Variants in PARP6 observed in about 807,000 individuals in gnomAD.
PARP6 encodes protein mono-ADP-ribosyltransferase PARP6.
Under a neutral mutation model 92.0 loss-of-function variants are expected in PARP6, and 27 were observed. The observed-to-expected ratio is 0.29, with a 90% CI of 0.22 to 0.40. The LOEUF (loss-of-function observed/expected upper bound fraction) is 0.40, where lower values mean the gene tolerates loss of function less well. Ranked by LOEUF, PARP6 falls within the 10% of genes least tolerant of loss-of-function variation. The pLI, the probability that PARP6 is intolerant of heterozygous loss-of-function variation, is 1.00. For missense variants in PARP6, 501 were observed against 784.5 expected, an observed-to-expected ratio of 0.64 and a Z score of 4.32; for synonymous variants, 272 against 281.2, an observed-to-expected ratio of 0.97 and a Z score of 0.33.
chr15:72,257,427 G>C lies in PARP6; in HGVS notation c.920C>G (p.Thr307Ser). 1 of 1,613,802 alleles carries C rather than the reference G, an allele frequency of 6.2e-7. No homozygotes were observed. The highest frequency in any genetic ancestry group is 8.5e-7 in the Non-Finnish European group (1 of 1,179,732). Residue 307 changes from threonine to serine, a missense_variant, in exon 13 of 24, where the codon ACT becomes AGT. Thr to Ser is a moderately conservative substitution (Grantham distance 58). This residue lies in a region of PARP6 where 191 missense variants were observed against 399.1 expected (regional missense o/e 0.48). Transcript: ENST00000569795. Reference protein sequence around the residue: ...NGSMLKPAVCTRELCVFSFYT... With the variant: ...NGSMLKPAVCSRELCVFSFYT... ...GAAGGAGAAAACGCATAGTTCACGA[G>C]TACAGACAGCTGGCTGAAAGGATAT...
intron 2 of PARP6, among the ~76,000 whole-genome samples, chr15:72,270,286 A>G (rs2087220843): frequency 2.0e-5 from 3 of 152,212 alleles, no homozygotes; most frequent in Admixed American, 2.0e-4. Context: ...AGGAGGGAGG[A>G]TAACAGATGA....
chr15:72,264,114 G>A (rs776452807), intron 8 of PARP6, among the ~76,000 whole-genome samples: 8 of 151,968 alleles, frequency 5.3e-5, no homozygotes, highest in Admixed American at 3.3e-4. Context: ...ATATTCACCT[G>A]TATTAGAATA....
At position 72,260,398 on chromosome 15, in the gene PARP6, C is replaced by T. The variant is rs928323223; in HGVS notation, c.756+80G>A. 6.1e-6 allele frequency: 7 copies of T among 1,147,194 alleles called. No homozygotes were observed. The Admixed American group carries it at 1.2e-4, about 19-fold the overall frequency. 71.1% of individuals were successfully genotyped at this position (1,147,194 alleles called of 1,614,324 possible). On this transcript the variant is annotated intron_variant, in intron 10 of 23. Coordinates refer to ENST00000569795, the MANE Select transcript of PARP6 (RefSeq NM_001323532.2). ...GATGCCTAGACAACCATATCCCCACCCCATTTTGAGAAACTACACTCCCAC... is the reference window on the plus strand; with the variant it reads ...GATGCCTAGACAACCATATCCCCACTCCATTTTGAGAAACTACACTCCCAC...
chr15:72,245,998 G>A (rs1300253747), intron 20 of PARP6, among the ~76,000 whole-genome samples: 2 of 152,116 alleles, frequency 1.3e-5, no homozygotes, highest in Non-Finnish European at 2.9e-5. Context: ...AAAAAGTGAA[G>A]AATCCAGACA....
intron 20 of PARP6, among the ~76,000 whole-genome samples, chr15:72,247,337 G>C (rs890453606): frequency 1.3e-5 from 2 of 151,696 alleles, no homozygotes; most frequent in African/African-American, 4.8e-5. Flanking sequence ...GCCAGACCTG[G>C]TTATTTTTAT....
At chr15:72,260,726 G>T (rs1051210632) in intron 9 of PARP6, 38 bp from the exon 10 acceptor site, 2 of 1,479,302 alleles carry the variant, frequency 1.4e-6, no homozygotes, top group Non-Finnish European at 9.5e-7. Flanking sequence ...TAAAACTGGG[G>T]ATTTCATAGG....
chr15:72,266,002 A>G lies in PARP6; in HGVS notation c.82-11T>C. Reference sequence around the variant, plus strand: ...AGCTGCACAGCTCCCCTGAGATAGCAGCAAAAATGGTGGTGGAGAGAGGTG... The same window carrying G: ...AGCTGCACAGCTCCCCTGAGATAGCGGCAAAAATGGTGGTGGAGAGAGGTG... On this transcript the variant is annotated splice_polypyrimidine_tract_variant and intron_variant, in intron 4 of 23. Coordinates refer to ENST00000569795, the MANE Select transcript of PARP6 (RefSeq NM_001323532.2). 1.9e-6 allele frequency: 3 copies of G among 1,588,720 alleles called. No homozygotes were observed. Among genetic ancestry groups the G allele is most frequent in the Non-Finnish European group, 2.6e-6 (3 of 1,156,806 alleles).
At chr15:72,256,718 A>G in intron 13 of PARP6, 128 bp from the exon 14 acceptor site, 1 of 726,018 alleles carries the variant, frequency 1.4e-6, no homozygotes, top group Non-Finnish European at 2.0e-6. Flanking sequence ...CAAAATAGAA[A>G]ATACAAGCTC....
intron 14 of PARP6, among the ~76,000 whole-genome samples, chr15:72,256,000 T>C (rs990699099): frequency 1.3e-5 from 2 of 151,754 alleles, no homozygotes; most frequent in African/African-American, 2.4e-5. Context: ...GGTTTCACCA[T>C]GTTAGCCAGG....
intron 9 of PARP6, among the ~76,000 whole-genome samples, chr15:72,261,104 G>A (rs1204377573): frequency 1.3e-5 from 2 of 152,230 alleles, no homozygotes; most frequent in Non-Finnish European, 2.9e-5. Context: ...TGTCAACAAT[G>A]ATTCCTGGGA....
At chr15:72,246,727 G>A (rs2083652714) in intron 20 of PARP6, among the ~76,000 whole-genome samples, 1 of 151,652 alleles carries the variant, frequency 6.6e-6, no homozygotes, top group African/African-American at 2.4e-5. Flanking sequence ...TGTCTTCTGG[G>A]ACTTCCCTCT....
At chr15:72,270,268 A>AT (rs79018584) in intron 2 of PARP6, among the ~76,000 whole-genome samples, 33,059 of 152,116 alleles carry the variant, frequency 0.22, 3,837 homozygotes, top group East Asian at 0.41. Context: ...TGGCACACAC[A>AT]TAAAAAAAGG....
At chr15:72,263,886 G>C (rs960593840) in intron 8 of PARP6, among the ~76,000 whole-genome samples, 4 of 152,140 alleles carry the variant, frequency 2.6e-5, no homozygotes, top group Middle Eastern at 3.4e-3. Context: ...AGCCGGGCAT[G>C]GTGGTGGGTG....
In PARP6 at chr15:72,265,402, G is replaced by T; in HGVS notation, c.237+11C>A. On this transcript the variant is annotated intron_variant, in intron 6 of 23. Coordinates refer to ENST00000569795, the MANE Select transcript of PARP6 (RefSeq NM_001323532.2). Reference sequence around the variant, plus strand: ...CTAGACATGTTGTTGGCAGGTACTAGCCCCACTTACATCGAGGAAGCTGAT... The same window carrying T: ...CTAGACATGTTGTTGGCAGGTACTATCCCCACTTACATCGAGGAAGCTGAT... 6.2e-7 allele frequency: 1 copy of T among 1,609,680 alleles called. No homozygotes were observed. The highest frequency in any genetic ancestry group is 8.5e-7 in the Non-Finnish European group (1 of 1,175,900).
At position 72,241,935 on chromosome 15, in the gene PARP6, C is replaced by G. The variant is rs750754082; in HGVS notation, c.1756G>C (p.Val586Leu). 6.2e-7 allele frequency: 1 copy of G among 1,613,920 alleles called. No individual in the cohort carries two copies. The highest frequency in any genetic ancestry group is 1.1e-5 in the South Asian group (1 of 91,084). Residue 586 changes from valine (V) to leucine (L), a missense_variant, in exon 23 of 24, where the codon GTG becomes CTG. By Grantham distance (32) the Val-to-Leu change is conservative. Coordinates refer to ENST00000569795, the MANE Select transcript of PARP6 (RefSeq NM_001323532.2). This position sits in a 1 kb window ranked among gnomAD's most constrained non-coding sequence, Gnocchi z 4.1. ...QKHGNIWVCP[V>L]SDHVCTRFFF... is the part of the protein sequence containing the mutation. Reference sequence around the variant, plus strand: ...AATCTTGTGCAGACATGGTCGGACACAGGGCACACCCAGATGTTCCCATGC... The same window carrying G: ...AATCTTGTGCAGACATGGTCGGACAGAGGGCACACCCAGATGTTCCCATGC...
At position 72,242,804 on chromosome 15, in the gene PARP6, C is replaced by CA; in HGVS notation, c.1562-106dup. ...CTCATCAAAACAGCAGAGAATAAAA[C>CA]AAAGAAGATTATTTTCCCCCACAGA... On this transcript the variant is annotated intron_variant, in intron 20 of 23. Transcript: ENST00000569795. The surrounding 1 kb of genome is among the most constrained non-coding windows in gnomAD (Gnocchi z 4.3). The CA allele has an allele frequency of 4.3e-6, 3 of 696,472 alleles. No homozygotes were observed. Among genetic ancestry groups the CA allele is most frequent in the Non-Finnish European group, 7.5e-6 (3 of 399,808 alleles). 43.1% of individuals were successfully genotyped at this position (696,472 alleles called of 1,614,324 possible). A position where few individuals can be genotyped will look rare whatever the true frequency, so the allele number is the denominator to read the frequency against.
rs1233903569 is a variant in PARP6, at chr15:72,242,825, A to G, written c.1562-126T>C. The G allele has an allele frequency of 3.1e-6, 2 of 649,874 alleles. No homozygotes were observed. Among genetic ancestry groups the G allele is most frequent in the East Asian group, 5.3e-5 (2 of 37,782 alleles). The allele number at this position is 649,874 out of a possible 1,614,324, so 40.3% of individuals were successfully genotyped here. ...AAAACAAAGAAGATTATTTTCCCCC[A>G]CAGAATTTAGTCTGCTGGAAATTAC... is the stretch of plus-strand genomic sequence containing the variant. On this transcript the variant is annotated intron_variant, in intron 20 of 23. Coordinates refer to ENST00000569795, the MANE Select transcript of PARP6 (RefSeq NM_001323532.2). The surrounding 1 kb of genome is among the most constrained non-coding windows in gnomAD (Gnocchi z 4.3).
In PARP6 at chr15:72,241,820, T is replaced by C. The variant is rs1057196555; in HGVS notation, c.1790+81A>G. The C allele has an allele frequency of 9.6e-6, 10 of 1,046,182 alleles. No homozygotes were observed. Among genetic ancestry groups the C allele is most frequent in the East Asian group, 4.7e-5 (2 of 42,316 alleles). The allele number at this position is 1,046,182 out of a possible 1,614,324, so 64.8% of individuals were successfully genotyped here. A position where few individuals can be genotyped will look rare whatever the true frequency, so the allele number is the denominator to read the frequency against. ...AAGGACATGTCTCAGATAACAGAAA[T>C]AGACTTTTCCCAGTAGCCACACACC... On this transcript the variant is annotated intron_variant, in intron 23 of 23. Transcript: ENST00000569795. This position sits in a 1 kb window ranked among gnomAD's most constrained non-coding sequence, Gnocchi z 4.1.
At position 72,259,593 on chromosome 15, in the gene PARP6, T is replaced by C. The variant is rs747591430; in HGVS notation, c.810+15A>G. 6.2e-7 allele frequency: 1 copy of C among 1,613,190 alleles called. No individual in the cohort carries two copies. The highest frequency in any genetic ancestry group is 8.5e-7 in the Non-Finnish European group (1 of 1,179,296). ...ACAGGGAAGGGCTTCGGAGTGACAA[T>C]TTTGACTTGATTACCTGAACGAGGA... is the stretch of plus-strand genomic sequence containing the variant. On this transcript the variant is annotated intron_variant, in intron 11 of 23. Coordinates refer to ENST00000569795, the MANE Select transcript of PARP6 (RefSeq NM_001323532.2).
Sources: gnomAD v4.1 joint callset for allele counts (sites outside exome capture counted in the v4.1 genomes callset) on GRCh38, gnomAD v4.1.1 for gene constraint, gnomAD v4.1.1 regional missense constraint, Gnocchi (gnomAD v3.1) non-coding constraint, MANE v1.5 for transcripts, NCBI Gene and HGNC (gene_info 2026-07-23, HGNC 2026-07-21) for gene names.